Variants in UQCC1 observed in about 807,000 individuals in gnomAD.
UQCC1 encodes the protein ubiquinol-cytochrome c reductase complex assembly factor 1.
In UQCC1, 38 loss-of-function variants were observed where a neutral mutation model predicts 48.0. The ratio of observed to expected loss-of-function variants is 0.79; its 90% CI spans 0.61 to 1.04. UQCC1 has a LOEUF of 1.04. Ranked by LOEUF, UQCC1 falls within the 50% of genes least tolerant of loss-of-function variation. The pLI, the probability that UQCC1 is intolerant of heterozygous loss-of-function variation, is 0.00. For missense variants in UQCC1, 368 were observed against 381.8 expected (o/e 0.96, Z 0.30); for synonymous variants, 111 against 129.2 (o/e 0.86, Z 0.95).
At chr20:35,379,678 C>A (rs1296340831) in intron 4 of UQCC1, among the ~76,000 whole-genome samples, 1 of 152,014 alleles carries the variant, frequency 6.6e-6, no homozygotes, top group South Asian at 2.1e-4. Context: ...TGGTGGCATG[C>A]GCCTGTAGTC....
At chr20:35,402,831 C>T (rs532784612) in intron 1 of UQCC1, among the ~76,000 whole-genome samples, 5 of 151,346 alleles carry the variant, frequency 3.3e-5, no homozygotes, top group South Asian at 2.1e-4. Flanking sequence ...TTTGGGAGGC[C>T]GAGGCAGGCG....
At chr20:35,371,699 G>GAAAAAAAAAAAAA (rs57335287) in intron 5 of UQCC1, among the ~76,000 whole-genome samples, 3 of 92,232 alleles carry the variant, frequency 3.3e-5, no homozygotes, top group Non-Finnish European at 6.4e-5. Flanking sequence ...GGCACTTAAA[G>GAAAAAAAAAAAAA]AAAAAAAAAA....
intron 5 of UQCC1, among the ~76,000 whole-genome samples, chr20:35,371,661 A>G (rs2061732106): frequency 6.7e-6 from 1 of 149,854 alleles, no homozygotes. Context: ...AGACCTGATG[A>G]AAAATACTTC....
chr20:35,387,597 G>A (rs946715779), intron 2 of UQCC1, among the ~76,000 whole-genome samples: 2 of 152,014 alleles, frequency 1.3e-5, no homozygotes, highest in Admixed American at 6.6e-5. Context: ...TGAATAAAAG[G>A]TCCTAGTGGA....
chr20:35,342,041 G>A (rs1451561172), intron 7 of UQCC1, among the ~76,000 whole-genome samples: 1 of 152,134 alleles, frequency 6.6e-6, no homozygotes, highest in Non-Finnish European at 1.5e-5. Flanking sequence ...CAAGAGTCAA[G>A]TTCAGCCCAC....
chr20:35,381,453 A>G (rs887575390), intron 4 of UQCC1, among the ~76,000 whole-genome samples: 4 of 152,204 alleles, frequency 2.6e-5, no homozygotes, highest in Non-Finnish European at 5.9e-5. Flanking sequence ...CTAAGGAATC[A>G]GGTGGAGGGA....
At chr20:35,321,198 G>A (rs190744903) in intron 7 of UQCC1, among the ~76,000 whole-genome samples, 2 of 152,120 alleles carry the variant, frequency 1.3e-5, no homozygotes, top group African/African-American at 4.8e-5. Context: ...CATGCATTAC[G>A]ACTGAAAGAT....
chr20:35,311,363 G>C (rs1020466408), intron 8 of UQCC1, among the ~76,000 whole-genome samples: 3 of 152,224 alleles, frequency 2.0e-5, no homozygotes, highest in Admixed American at 6.5e-5. Context: ...GGTTGCTGTA[G>C]AACAGCGCTG....
In UQCC1 at chr20:35,304,050, A is replaced by T; in HGVS notation, c.785T>A (p.Met262Lys). 2 of 1,614,106 alleles carry T rather than the reference A, an allele frequency of 1.2e-6. No homozygotes were observed. Among genetic ancestry groups the T allele is most frequent in the Non-Finnish European group, 1.7e-6 (2 of 1,179,994 alleles). ...VRKQIQYLDS[M>K]NGEDLLLTGE... ...TGTCAGAAGCAGATCCTCCCCGTTC[A>T]TGGAGTCCAGGTACTGTATCTGCAA... Residue 262 changes from methionine (M) to lysine (K), a missense_variant, in exon 10 of 10, where the codon ATG becomes AAG. Physicochemically the swap from Met to Lys is moderately conservative, Grantham distance 95. Transcript: ENST00000374385.
chr20:35,403,387 G>A (rs1351399411), intron 1 of UQCC1, among the ~76,000 whole-genome samples: 3 of 152,130 alleles, frequency 2.0e-5, no homozygotes, highest in African/African-American at 7.2e-5. Context: ...GGTAGGGCCT[G>A]CAGATGACAC....
intron 6 of UQCC1, among the ~76,000 whole-genome samples, chr20:35,363,028 T>TAAAAAAAAAAAAAAA (rs60988214): frequency 1.2e-5 from 1 of 80,690 alleles, no homozygotes; most frequent in African/African-American, 4.4e-5. Context: ...TCCTTAAAAC[T>TAAAAAAAAAAAAAAA]AAAAAAAAAA....
In UQCC1 at chr20:35,394,081, A is replaced by C; in HGVS notation, c.129+11T>G. The C allele has an allele frequency of 6.2e-7, 1 of 1,610,444 alleles. No individual in the cohort carries two copies. Among genetic ancestry groups the C allele is most frequent in the Non-Finnish European group, 8.5e-7 (1 of 1,176,728 alleles). On this transcript the variant is annotated intron_variant, in intron 2 of 9. Transcript: ENST00000374385. The stretch of plus-strand genomic sequence containing the variant: ...GGTTTTCATACTAAGCAAAAGAACA[A>C]CAAATCTTACCTGGGAAGTGCGAGA...
rs1180355136 is a variant in UQCC1 at position 35,310,725 on chromosome 20, C to T, written c.652-3946G>A. Among the ~76,000 whole-genome samples, 8 of 132,422 alleles carry T rather than the reference C, an allele frequency of 6.0e-5. No homozygotes were observed. In the South Asian group the frequency reaches 2.2e-3, roughly 37 times the overall value. The allele number at this position is 132,422 out of a possible 152,430, so 86.9% of individuals were successfully genotyped here. On this transcript the variant is annotated intron_variant, in intron 8 of 9. Transcript: ENST00000374385. ...TTTTTTTTTTTGAGATGGAGTCTCG[C>T]TCTGTCACCCAGGCTGGAGTGCAGT...
chr20:35,325,636 T>G (rs1019585451), intron 7 of UQCC1, among the ~76,000 whole-genome samples: 1 of 152,214 alleles, frequency 6.6e-6, no homozygotes, highest in Non-Finnish European at 1.5e-5. Context: ...ACACAGTACT[T>G]GTCCTCAAGA....
intron 1 of UQCC1, among the ~76,000 whole-genome samples, chr20:35,400,868 T>C (rs902275457): frequency 2.0e-5 from 3 of 152,214 alleles, no homozygotes; most frequent in African/African-American, 7.2e-5. Context: ...GATTTTTACA[T>C]CAGTATTTCA....
chr20:35,394,853 A>G (rs2062055242), intron 1 of UQCC1, among the ~76,000 whole-genome samples: 1 of 152,164 alleles, frequency 6.6e-6, no homozygotes, highest in African/African-American at 2.4e-5. Flanking sequence ...TCCCATCACA[A>G]GTAGTGGGTC....
chr20:35,322,398 C>T (rs1367717244), intron 7 of UQCC1, among the ~76,000 whole-genome samples: 3 of 152,166 alleles, frequency 2.0e-5, no homozygotes, highest in Non-Finnish European at 4.4e-5. Flanking sequence ...AGCCAAAATG[C>T]TATTGTTGTC....
chr20:35,312,583 G>A (rs1036352645), intron 8 of UQCC1, among the ~76,000 whole-genome samples: 1 of 152,154 alleles, frequency 6.6e-6, no homozygotes, highest in African/African-American at 2.4e-5. Flanking sequence ...TGAGTCACAG[G>A]AAGTTCAGGA....
In UQCC1 at chr20:35,304,050, A is replaced by G. The variant is rs758063109; in HGVS notation, c.785T>C (p.Met262Thr). The change falls in exon 10 of 10, where the codon ATG (methionine) becomes ACG (threonine). Residue 262 changes from methionine to threonine, a missense_variant. Met to Thr is a moderately conservative substitution (Grantham distance 81). Coordinates refer to ENST00000374385, the MANE Select transcript of UQCC1 (RefSeq NM_018244.5). ...TGTCAGAAGCAGATCCTCCCCGTTC[A>G]TGGAGTCCAGGTACTGTATCTGCAA... The part of the protein sequence containing the change: ...VRKQIQYLDS[M>T]NGEDLLLTGE... 1 of 1,613,988 alleles carries G rather than the reference A, an allele frequency of 6.2e-7. No homozygotes were observed. The highest frequency in any genetic ancestry group is 1.1e-5 in the South Asian group (1 of 91,086).
Sources: allele counts gnomAD v4.1 joint callset (sites outside exome capture counted in the v4.1 genomes callset), GRCh38; gene constraint gnomAD v4.1.1; transcripts MANE v1.5; gene names NCBI Gene and HGNC (gene_info 2026-07-23, HGNC 2026-07-21).